ABCA13: variants seen among roughly 807,000 people sequenced by gnomAD.
ABCA13 encodes the protein ATP binding cassette subfamily A member 13.
In ABCA13, 476 loss-of-function variants were observed where a neutral mutation model predicts 478.7. That is an observed-to-expected ratio of 0.99 (90% CI 0.92 to 1.07). The LOEUF (loss-of-function observed/expected upper bound fraction) is 1.07, where lower values mean the gene tolerates loss of function less well. Ranked by LOEUF, ABCA13 falls within the 50% of genes least tolerant of loss-of-function variation. The probability of loss-of-function intolerance (pLI) is 0.00; values close to 1 mark genes in which losing one functional copy is unlikely to be tolerated. For synonymous variants in ABCA13, 2,252 were observed against 2,158.9 expected (o/e 1.04, Z -1.20); for missense variants, 6,060 against 5,910.6 (o/e 1.03, Z -0.83).
chr7:48,456,983 A>G (rs148485056), intron 43 of ABCA13, among the ~76,000 whole-genome samples: 280 of 152,120 alleles, frequency 1.8e-3, no homozygotes, highest in African/African-American at 6.5e-3. Flanking sequence ...GTGCCAATTA[A>G]CAGTCTTATA....
intron 31 of ABCA13, among the ~76,000 whole-genome samples, chr7:48,359,637 C>T (rs535663979): frequency 6.6e-6 from 1 of 151,960 alleles, no homozygotes; most frequent in South Asian, 2.1e-4. Flanking sequence ...TGGAGAGGGG[C>T]AGAAGCAGGG....
chr7:48,507,909 A>G lies in ABCA13; in HGVS notation c.13384A>G (p.Ile4462Val), dbSNP rs772419846. 1.6e-5 allele frequency: 26 copies of G among 1,612,590 alleles called. No homozygotes were observed. Among genetic ancestry groups the G allele is most frequent in the Non-Finnish European group, 2.2e-5 (26 of 1,179,434 alleles). Residue 4462 changes from isoleucine (I) to valine (V), a missense_variant, in exon 50 of 62, where the codon ATC becomes GTC. By Grantham distance (29) the Ile-to-Val change is conservative (BLOSUM62 3). Transcript: ENST00000435803. ...SIRQCGVALC[I>V]VLGFSILSAS... ...CCGTCAGTGTGGAGTGGCCCTCTGC[A>G]TCGTGCTGGGATTCTCCATCCTGTC...
chr7:48,419,017 G>T (rs891295761), intron 41 of ABCA13, among the ~76,000 whole-genome samples: 1 of 152,146 alleles, frequency 6.6e-6, no homozygotes, highest in Non-Finnish European at 1.5e-5. Context: ...GAGGGAGCAG[G>T]CATCTTATGT....
chr7:48,488,797 TGTTCA>T (rs1829577500), intron 47 of ABCA13, among the ~76,000 whole-genome samples: 1 of 152,180 alleles, frequency 6.6e-6, no homozygotes, highest in African/African-American at 2.4e-5. Flanking sequence ...GCTCAGCAAA[TGTTCA>T]GTTCAGTTTA....
At chr7:48,256,552 G>C (rs886575900) in intron 15 of ABCA13, among the ~76,000 whole-genome samples, 1 of 152,158 alleles carries the variant, frequency 6.6e-6, no homozygotes, top group Non-Finnish European at 1.5e-5. Context: ...ATTGATTAAG[G>C]AATCCTATCC....
intron 20 of ABCA13, among the ~76,000 whole-genome samples, chr7:48,292,724 G>A (rs949717864): frequency 6.6e-6 from 1 of 152,118 alleles, no homozygotes; most frequent in Non-Finnish European, 1.5e-5. Context: ...CCTTCCTCTT[G>A]CACCTCCAGC....
chr7:48,345,864 C>A (rs1808000209), intron 29 of ABCA13, among the ~76,000 whole-genome samples: 1 of 152,224 alleles, frequency 6.6e-6, no homozygotes, highest in Non-Finnish European at 1.5e-5. Flanking sequence ...TTCCAGCCTG[C>A]AAGCTTTATT....
intron 38 of ABCA13, among the ~76,000 whole-genome samples, chr7:48,398,588 A>C (rs923778866): frequency 2.6e-5 from 4 of 152,208 alleles, no homozygotes; most frequent in African/African-American, 7.2e-5. Context: ...ACATGTGTCA[A>C]GATTCAGATC....
intron 35 of ABCA13, among the ~76,000 whole-genome samples, chr7:48,380,234 A>T (rs1385878585): frequency 6.6e-6 from 1 of 152,212 alleles, no homozygotes; most frequent in Non-Finnish European, 1.5e-5. Flanking sequence ...TTATTAATAC[A>T]ATTTAGTGCA....
At chr7:48,411,310 T>TTTTCTTTTCTTTTCTTTTCTTTTCTTTTC (rs1554500227) in intron 40 of ABCA13, among the ~76,000 whole-genome samples, 2,794 of 121,346 alleles carry the variant, frequency 0.023, 137 homozygotes, top group Non-Finnish European at 0.034. Context: ...TTTTCTTTTC[T>TTTTCTTTTCTTTTCTTTTCTTTTCTTTTC]TTTCTTTTCT....
chr7:48,354,040 G>T (rs1459973861), intron 31 of ABCA13, among the ~76,000 whole-genome samples: 1 of 152,072 alleles, frequency 6.6e-6, no homozygotes, highest in African/African-American at 2.4e-5. Flanking sequence ...GAAAAGTGCT[G>T]TTGTTGGCTA....
At chr7:48,246,350 G>T (rs1028169515) in intron 13 of ABCA13, among the ~76,000 whole-genome samples, 2 of 151,976 alleles carry the variant, frequency 1.3e-5, no homozygotes, top group Non-Finnish European at 2.9e-5. Flanking sequence ...AAGCAGAGGA[G>T]TCTCTGGTGA....
intron 59 of ABCA13, among the ~76,000 whole-genome samples, chr7:48,629,575 C>CAAAAA (rs11392411): frequency 9.0e-5 from 6 of 66,950 alleles, no homozygotes; most frequent in South Asian, 9.3e-4. Flanking sequence ...TACATTTTGG[C>CAAAAA]AAAAAAAAAA....
At chr7:48,580,149 G>A in intron 55 of ABCA13, 75 bp from the exon 56 acceptor site, 2 of 1,432,200 alleles carry the variant, frequency 1.4e-6, no homozygotes, top group Admixed American at 2.5e-5. Flanking sequence ...TGTTATTGAT[G>A]AGCCACATTT....
At chr7:48,403,906 C>CTCT in intron 39 of ABCA13, 27 bp downstream of exon 39, 1 of 1,599,212 alleles carries the variant, frequency 6.3e-7, no homozygotes, top group Non-Finnish European at 8.5e-7. Flanking sequence ...ATTCTGCCTT[C>CTCT]TCTTCCCACA....
At chr7:48,298,201 T>C (rs1182396129) in intron 22 of ABCA13, among the ~76,000 whole-genome samples, 165 bp from the exon 23 acceptor site, 1 of 152,218 alleles carries the variant, frequency 6.6e-6, no homozygotes, top group Non-Finnish European at 1.5e-5. Flanking sequence ...ATAAATTATT[T>C]AAGTTATTCC....
intron 27 of ABCA13, among the ~76,000 whole-genome samples, chr7:48,334,496 G>A (rs766274649): frequency 2.6e-5 from 4 of 152,026 alleles, no homozygotes; most frequent in Non-Finnish European, 2.9e-5. Context: ...CACCGTGCCC[G>A]GCTAATTTTT....
At position 48,392,162 on chromosome 7, in the gene ABCA13, G is replaced by T. The variant is rs550639835; in HGVS notation, c.11873+23G>T. ...TCAGTTAGTAAACAGTTGTCTCTCT[G>T]CTCCTCCTGCCTCTGCCCATTGTGT... On this transcript the variant is annotated intron_variant, in intron 38 of 61. Transcript: ENST00000435803. 66 of 1,604,724 alleles carry T rather than the reference G, an allele frequency of 4.1e-5. 1 individual carries two copies. In the African/African-American group the frequency reaches 6.9e-4, roughly 17 times the overall value.
chr7:48,487,322 A>G (rs1162539214), intron 47 of ABCA13, among the ~76,000 whole-genome samples: 1 of 107,958 alleles, frequency 9.3e-6, no homozygotes, highest in African/African-American at 6.1e-5. Context: ...AAAAAAACAA[A>G]ACAAAACAAA....
Sources: gnomAD v4.1 joint callset for allele counts (sites outside exome capture counted in the v4.1 genomes callset) on GRCh38, gnomAD v4.1.1 for gene constraint, MANE v1.5 for transcripts, NCBI Gene and HGNC (gene_info 2026-07-23, HGNC 2026-07-21) for gene names.